ZNF248: variants seen among roughly 807,000 people sequenced by gnomAD.
ZNF248 encodes the protein KRAB protein domain.
A neutral mutation model predicts 44.3 loss-of-function variants in ZNF248; 20 were observed. That is an observed-to-expected ratio of 0.45 (90% CI 0.32 to 0.66). The LOEUF is 0.66. ZNF248 is among the 30% of genes least tolerant of loss of function. The probability of loss-of-function intolerance (pLI) is 0.04; values close to 1 mark genes in which losing one functional copy is unlikely to be tolerated. For missense variants in ZNF248, 654 were observed against 677.0 expected, an observed-to-expected ratio of 0.97 and a Z score of 0.38; for synonymous variants, 224 against 229.0, an observed-to-expected ratio of 0.98 and a Z score of 0.20.
At chr10:37,804,877 A>G (rs1010075874) in intron 6 of ZNF248, among the ~76,000 whole-genome samples, 1 of 152,228 alleles carries the variant, frequency 6.6e-6, no homozygotes, top group African/African-American at 2.4e-5. Context: ...TAATAGCTAA[A>G]TAATTGTATA....
intron 5 of ZNF248, among the ~76,000 whole-genome samples, chr10:37,836,610 C>G: frequency 6.6e-6 from 1 of 152,154 alleles, no homozygotes; most frequent in East Asian, 1.9e-4. Flanking sequence ...AAAAGGTTTT[C>G]TCTAACCTAC....
At chr10:37,770,574 G>T in the ZNF248 span, among the ~76,000 whole-genome samples, 1 of 152,148 alleles carries the variant, frequency 6.6e-6, no homozygotes, top group African/African-American at 2.4e-5. Flanking sequence ...GCCATATGTA[G>T]AAAGCTGAAA....
chr10:37,837,967 C>CG lies in ZNF248; in HGVS notation c.142+17dup, dbSNP rs761229492. ...AATGCATGCTATTGATAGCCATGTGCGGAAAAAAACTCCTTACCTACTGAG... is the reference window on the plus strand; with the variant it reads ...AATGCATGCTATTGATAGCCATGTGCGGGAAAAAAACTCCTTACCTACTGAG... On this transcript the variant is annotated intron_variant, in intron 4 of 5. Coordinates refer to ENST00000395867, the MANE Select transcript of ZNF248 (RefSeq NM_021045.3). The CG allele has an allele frequency of 6.2e-6, 10 of 1,609,584 alleles. No homozygotes were observed. In the African/African-American group the frequency reaches 1.3e-4, roughly 22 times the overall value.
intron 6 of ZNF248, chr10:37,803,232 T>C (rs2133240516): frequency 6.6e-6 from 1 of 152,300 alleles, no homozygotes; most frequent in Non-Finnish European, 1.5e-5. Flanking sequence ...TTGATTTTTG[T>C]AACATCAGAA....
intron 6 of ZNF248, among the ~76,000 whole-genome samples, chr10:37,779,040 A>G (rs1301718776): frequency 6.6e-6 from 1 of 152,226 alleles, no homozygotes; most frequent in East Asian, 1.9e-4. Context: ...CCAAGCAAAA[A>G]GAGTCCAGGA....
At chr10:37,779,926 G>T (rs1338617136) in intron 6 of ZNF248, among the ~76,000 whole-genome samples, 2 of 150,794 alleles carry the variant, frequency 1.3e-5, no homozygotes, top group Admixed American at 1.3e-4. Context: ...TTGCTTCAAA[G>T]AGAATAAAAT....
At chr10:37,838,184 C>A in intron 3 of ZNF248, 73 bp from the exon 4 acceptor site, 1 of 1,442,968 alleles carries the variant, frequency 6.9e-7, no homozygotes, top group Non-Finnish European at 9.4e-7. Context: ...GAGAACTAAT[C>A]TCTTTAGAGT....
At chr10:37,818,642 T>G (rs1414896184) in intron 6 of ZNF248, 2 of 502,518 alleles carry the variant, frequency 4.0e-6, no homozygotes, top group Non-Finnish European at 7.5e-6. Context: ...CAAAGGTTGA[T>G]GCAATAGCAG....
intron 6 of ZNF248, among the ~76,000 whole-genome samples, chr10:37,804,927 GC>G (rs2050350608): frequency 6.6e-6 from 1 of 151,898 alleles, no homozygotes; most frequent in Non-Finnish European, 1.5e-5. Flanking sequence ...TTGTATATCA[GC>G]TTATAAATTC....
At chr10:37,821,057 A>AAC in intron 6 of ZNF248, 4 of 883,870 alleles carry the variant, frequency 4.5e-6, no homozygotes, top group Non-Finnish European at 7.2e-6. Context: ...TTAATCAGTT[A>AAC]TGCTCACTTC....
chr10:37,758,774 C>G, the ZNF248 span, among the ~76,000 whole-genome samples: 1 of 152,118 alleles, frequency 6.6e-6, no homozygotes. Context: ...GATATTTCTA[C>G]TAGATTCATT....
At chr10:37,772,598 G>C (rs978086792), downstream of ZNF248, among the ~76,000 whole-genome samples, 4 of 152,172 alleles carry the variant, frequency 2.6e-5, no homozygotes, top group Admixed American at 6.6e-5. Context: ...AAATCAACCA[G>C]AGAGAAAAAG....
downstream of ZNF248, chr10:37,776,416 G>C (rs901398607): frequency 5.1e-6 from 2 of 390,370 alleles, no homozygotes; most frequent in South Asian, 2.7e-4. Flanking sequence ...TGTGCAAACT[G>C]TCAGGCTCTG....
At chr10:37,767,201 C>T in the ZNF248 span, among the ~76,000 whole-genome samples, 1 of 152,152 alleles carries the variant, frequency 6.6e-6, no homozygotes, top group Non-Finnish European at 1.5e-5. Flanking sequence ...ACACACTCTG[C>T]AGGATATTAT....
At chr10:37,777,790 G>C (rs1390050322) in intron 6 of ZNF248, among the ~76,000 whole-genome samples, 1 of 150,000 alleles carries the variant, frequency 6.7e-6, no homozygotes, top group Non-Finnish European at 1.5e-5. Flanking sequence ...GCGGTGTTTG[G>C]TTTTTTGTTC....
At chr10:37,768,019 G>T in the ZNF248 span, among the ~76,000 whole-genome samples, 1 of 152,118 alleles carries the variant, frequency 6.6e-6, no homozygotes, top group Admixed American at 6.5e-5. Context: ...CAGATCAAAA[G>T]AGACAAAGAA....
Position 37,832,853 on chromosome 10 carries a change from A to G in ZNF248, c.502T>C (p.Phe168Leu), listed in dbSNP as rs2056190405. 6.2e-7 allele frequency: 1 copy of G among 1,613,748 alleles called. No homozygotes were observed. Among genetic ancestry groups the G allele is most frequent in the South Asian group, 1.1e-5 (1 of 91,062 alleles). ...KNCSRKKPDEFNVCEKLLLDI... is the reference protein window; with the variant it reads ...KNCSRKKPDELNVCEKLLLDI... ...AGGAGCAATTTCTCACATACATTAAACTCATCAGGCTTCTTTCTGGAACAG... is the reference window on the plus strand; with the variant it reads ...AGGAGCAATTTCTCACATACATTAAGCTCATCAGGCTTCTTTCTGGAACAG... Residue 168 changes from phenylalanine to leucine, a missense_variant, in exon 6 of 6, where the codon TTT (phenylalanine) becomes CTT (leucine). Phe to Leu is a conservative substitution (Grantham distance 22). Transcript: ENST00000395867.
At chr10:37,781,527 T>C (rs2047319082) in intron 6 of ZNF248, among the ~76,000 whole-genome samples, 1 of 152,218 alleles carries the variant, frequency 6.6e-6, no homozygotes, top group African/African-American at 2.4e-5. Context: ...TTTCCTGTAG[T>C]CGTACAGCCA....
At position 37,831,430 on chromosome 10, in the gene ZNF248, C is replaced by A; in HGVS notation, c.*185G>T. The A allele has an allele frequency of 6.7e-7, 1 of 1,492,052 alleles. No homozygotes were observed. The highest frequency in any genetic ancestry group is 1.4e-5 in the South Asian group (1 of 73,058). The allele number at this position is 1,492,052 out of a possible 1,614,324, so 92.4% of individuals were successfully genotyped here. ...CCAGATAAATATTTTCACCATATTACTTAGATGAATAGAATTCCCCTCAGT... is the reference window on the plus strand; with the variant it reads ...CCAGATAAATATTTTCACCATATTAATTAGATGAATAGAATTCCCCTCAGT... On this transcript the variant is annotated 3_prime_UTR_variant, in exon 6 of 6. Transcript: ENST00000395867.
Sources: allele counts gnomAD v4.1 joint callset (sites outside exome capture counted in the v4.1 genomes callset), GRCh38; gene constraint gnomAD v4.1.1; transcripts MANE v1.5; gene names NCBI Gene and HGNC (gene_info 2026-07-23, HGNC 2026-07-21).